Variants in HSD17B6 observed in about 807,000 individuals in gnomAD.
HSD17B6 encodes 17-beta-hydroxysteroid dehydrogenase type 6.
Under a neutral mutation model 26.4 loss-of-function variants are expected in HSD17B6, and 16 were observed. That is an observed-to-expected ratio of 0.61 (90% CI 0.41 to 0.92). The LOEUF (loss-of-function observed/expected upper bound fraction) is 0.92, where lower values mean the gene tolerates loss of function less well. Among genes scored for constraint, HSD17B6 ranks in the 40% least tolerant of loss-of-function variants. The pLI, the probability that HSD17B6 is intolerant of heterozygous loss-of-function variation, is 0.00. For synonymous variants in HSD17B6, 139 were observed against 153.0 expected, an observed-to-expected ratio of 0.91 and a Z score of 0.68; for missense variants, 357 against 386.1, an observed-to-expected ratio of 0.92 and a Z score of 0.63.
chr12:56,773,687 A>G (rs1013625924), intron 1 of HSD17B6, 147 bp from the exon 2 acceptor site: 19 of 703,536 alleles, frequency 2.7e-5, no homozygotes, highest in Non-Finnish European at 3.9e-5. Context: ...TTCCCTCTCT[A>G]GACTGTGGCC....
At chr12:56,786,436 C>T (rs557384924) in intron 4 of HSD17B6, among the ~76,000 whole-genome samples, 1 of 151,956 alleles carries the variant, frequency 6.6e-6, no homozygotes, top group African/African-American at 2.4e-5. Context: ...TTTTAGTAGA[C>T]ATGGGGTTTC....
chr12:56,771,635 T>C (rs1954475710), intron 1 of HSD17B6, among the ~76,000 whole-genome samples: 1 of 152,068 alleles, frequency 6.6e-6, no homozygotes, highest in African/African-American at 2.4e-5. Flanking sequence ...ATTTTTGTAT[T>C]TTTGTAGAGA....
At chr12:56,778,721 C>G (rs1297052248) in intron 2 of HSD17B6, among the ~76,000 whole-genome samples, 1 of 145,322 alleles carries the variant, frequency 6.9e-6, no homozygotes, top group African/African-American at 2.6e-5. Flanking sequence ...GTCGCCCAGG[C>G]TGGAGTGCAG....
Position 56,787,597 on chromosome 12 carries a change from C to T in HSD17B6, c.*255C>T, listed in dbSNP as rs1954906228. The T allele has an allele frequency of 2.2e-6, 1 of 448,132 alleles. No individual in the cohort carries two copies. The highest frequency in any genetic ancestry group is 4.0e-6 in the Non-Finnish European group (1 of 250,598). The allele number at this position is 448,132 out of a possible 1,614,324, so 27.8% of individuals were successfully genotyped here. A position where few individuals can be genotyped will look rare whatever the true frequency, so the allele number is the denominator to read the frequency against. ...TCTAAAGTGAATCATTTGTTCTTGC[C>T]TTATTAAACAGAGTAGATGGAAAAC... On this transcript the variant is annotated 3_prime_UTR_variant, in exon 5 of 5. Coordinates refer to ENST00000322165, the MANE Select transcript of HSD17B6 (RefSeq NM_003725.4).
At chr12:56,784,614 C>T (rs972076682) in intron 3 of HSD17B6, among the ~76,000 whole-genome samples, 4 of 151,978 alleles carry the variant, frequency 2.6e-5, no homozygotes, top group Admixed American at 6.6e-5. Flanking sequence ...TGCAGTGAGC[C>T]GAGATGGCAG....
At chr12:56,778,882 T>TG (rs1306173331) in intron 2 of HSD17B6, among the ~76,000 whole-genome samples, 1 of 151,164 alleles carries the variant, frequency 6.6e-6, no homozygotes, top group East Asian at 2.0e-4. Context: ...TCACCGTGTT[T>TG]GCCAGGATGC....
intron 1 of HSD17B6, among the ~76,000 whole-genome samples, chr12:56,769,151 G>A (rs1393940888): frequency 1.4e-5 from 2 of 143,098 alleles, no homozygotes; most frequent in African/African-American, 5.2e-5. Context: ...CACTTAAGCT[G>A]GAGTGCAGTG....
intron 2 of HSD17B6, among the ~76,000 whole-genome samples, chr12:56,777,145 G>A (rs1286104027): frequency 6.6e-6 from 1 of 152,168 alleles, no homozygotes; most frequent in East Asian, 1.9e-4. Flanking sequence ...CTACTTGAGA[G>A]GCTGAGGTGG....
At chr12:56,785,051 C>T (rs371584286) in intron 4 of HSD17B6, 35 bp downstream of exon 4, 1 of 1,579,240 alleles carries the variant, frequency 6.3e-7, no homozygotes. Context: ...ATAATGGGTA[C>T]CCTGTATTAG....
At chr12:56,769,304 G>C (rs1350535696) in intron 1 of HSD17B6, among the ~76,000 whole-genome samples, 1 of 152,120 alleles carries the variant, frequency 6.6e-6, no homozygotes, top group African/African-American at 2.4e-5. Flanking sequence ...GCTTAGTCAT[G>C]TTGCCCAGGC....
At chr12:56,763,458 TGTGTG>T (rs1223184957) in intron 1 of HSD17B6, 44 bp downstream of exon 1, 3 of 153,642 alleles carry the variant, frequency 2.0e-5, no homozygotes, top group Non-Finnish European at 2.9e-5. Flanking sequence ...TGTGTGTGTG[TGTGTG>T]TGTGTGTGTG....
At chr12:56,781,180 C>A (rs1481085020) in intron 2 of HSD17B6, among the ~76,000 whole-genome samples, 1 of 152,192 alleles carries the variant, frequency 6.6e-6, no homozygotes, top group Non-Finnish European at 1.5e-5. Flanking sequence ...ATCATTACTT[C>A]AAATACTGCC....
intron 4 of HSD17B6, chr12:56,786,071 A>G (rs1251153780): frequency 2.6e-6 from 1 of 382,176 alleles, no homozygotes; most frequent in African/African-American, 2.2e-5. Flanking sequence ...TGTGATGATG[A>G]TTGCACAACT....
chr12:56,767,973 A>G (rs968072125), intron 1 of HSD17B6, among the ~76,000 whole-genome samples: 5 of 150,876 alleles, frequency 3.3e-5, no homozygotes, highest in South Asian at 2.1e-4. Context: ...GTGTGTGTGT[A>G]TATTGTGTAT....
chr12:56,764,068 C>CAAA (rs71081400), intron 1 of HSD17B6, among the ~76,000 whole-genome samples: 1,061 of 73,820 alleles, frequency 0.014, 28 homozygotes, highest in African/African-American at 0.038. Flanking sequence ...GACCGTGTCT[C>CAAA]AAAAAAAAAA....
intron 3 of HSD17B6, among the ~76,000 whole-genome samples, chr12:56,783,555 C>A (rs1452463026): frequency 1.4e-5 from 2 of 144,702 alleles, no homozygotes; most frequent in African/African-American, 5.1e-5. Flanking sequence ...ACCCCCCCCA[C>A]CTCCCTCCCG....
intron 1 of HSD17B6, among the ~76,000 whole-genome samples, chr12:56,766,966 G>A (rs1200205327): frequency 6.6e-6 from 1 of 152,146 alleles, no homozygotes; most frequent in African/African-American, 2.4e-5. Context: ...AGGGGCAAAC[G>A]TAGGCCATGG....
intron 1 of HSD17B6, among the ~76,000 whole-genome samples, chr12:56,771,976 A>G (rs1192154689): frequency 6.6e-6 from 1 of 151,848 alleles, no homozygotes; most frequent in Non-Finnish European, 1.5e-5. Flanking sequence ...TCCTGCCATC[A>G]TGTGTTTGCT....
At chr12:56,786,249 GT>G (rs56722036) in intron 4 of HSD17B6, among the ~76,000 whole-genome samples, 27,579 of 126,586 alleles carry the variant, frequency 0.22, 1,481 homozygotes, top group Middle Eastern at 0.28. Flanking sequence ...TAAGTTGTGT[GT>G]TTTTTTTTTT....
Sources: allele counts gnomAD v4.1 joint callset (sites outside exome capture counted in the v4.1 genomes callset), GRCh38; gene constraint gnomAD v4.1.1; transcripts MANE v1.5; gene names NCBI Gene and HGNC (gene_info 2026-07-23, HGNC 2026-07-21).